Variants in RAB11A observed in about 807,000 individuals in gnomAD.
RAB11A encodes RAB11A, member RAS oncogene family, also known as ras-related protein Rab-11A.
Under a neutral mutation model 28.0 loss-of-function variants are expected in RAB11A, and 9 were observed. That is an observed-to-expected ratio of 0.32 (90% CI 0.19 to 0.56). RAB11A has a LOEUF of 0.56. RAB11A is among the 20% of genes least tolerant of loss of function. The pLI is 0.91. For missense variants in RAB11A, 108 were observed against 269.6 expected (o/e 0.40, Z 4.20); for synonymous variants, 85 against 88.2 (o/e 0.96, Z 0.20).
rs1287867747 is a variant in RAB11A, at chr15:65,891,486, T to A, written c.*3646T>A. 6.6e-6 allele frequency: 1 copy of A among 152,188 alleles called. No homozygotes were observed. The highest frequency in any genetic ancestry group is 1.9e-4 in the East Asian group (1 of 5,198). The allele number at this position is 152,188 out of a possible 1,614,324, so 9.4% of individuals were successfully genotyped here. A position where few individuals can be genotyped will look rare whatever the true frequency, so the allele number is the denominator to read the frequency against. On this transcript the variant is annotated 3_prime_UTR_variant, in exon 5 of 5. Transcript: ENST00000261890. ...GCACTGGACTGAGTAACGAAGAGATTCTAGTCATGGCTCTTGTGGTCATTT... is the reference window on the plus strand; with the variant it reads ...GCACTGGACTGAGTAACGAAGAGATACTAGTCATGGCTCTTGTGGTCATTT...
intron 1 of RAB11A, among the ~76,000 whole-genome samples, chr15:65,874,372 G>C (rs2078179916): frequency 6.6e-6 from 1 of 152,060 alleles, no homozygotes; most frequent in Non-Finnish European, 1.5e-5. Context: ...CTCCTGAGTA[G>C]CTGGGACTAC....
chr15:65,869,983 C>G (rs998198811), intron 1 of RAB11A: 3 of 208,250 alleles, frequency 1.4e-5, no homozygotes, highest in African/African-American at 6.9e-5. Context: ...GCCCCCTCCC[C>G]CTCGGCGTAC....
At chr15:65,885,418 G>T (rs548395094) in intron 4 of RAB11A, among the ~76,000 whole-genome samples, 1 of 152,024 alleles carries the variant, frequency 6.6e-6, no homozygotes, top group African/African-American at 2.4e-5. Flanking sequence ...GAGCCACCTC[G>T]CTTGGCCCAT....
rs2078297685 is a variant in RAB11A at position 65,891,669 on chromosome 15, G to A, written c.*3829G>A. On this transcript the variant is annotated 3_prime_UTR_variant, in exon 5 of 5. Transcript: ENST00000261890. ...TTAACTCAAGTTTAAATTTAATAGAGAAGTCAAAATGAGGTATGCACTTTG... is the reference window on the plus strand; with the variant it reads ...TTAACTCAAGTTTAAATTTAATAGAAAAGTCAAAATGAGGTATGCACTTTG... 1 of 152,182 alleles carries A rather than the reference G, an allele frequency of 6.6e-6. No homozygotes were observed. The highest frequency in any genetic ancestry group is 1.5e-5 in the Non-Finnish European group (1 of 68,032). 9.4% of individuals were successfully genotyped at this position (152,182 alleles called of 1,614,324 possible). A position where few individuals can be genotyped will look rare whatever the true frequency, so the allele number is the denominator to read the frequency against.
Position 65,887,948 on chromosome 15 carries a change from T to G in RAB11A, c.*108T>G, listed in dbSNP as rs2078264910. ...ACTTTTGTGTTTTATTACTTCATAC[T>G]TATGAATTTTTCCATGTCCTAAGTC... On this transcript the variant is annotated 3_prime_UTR_variant, in exon 5 of 5. Coordinates refer to ENST00000261890, the MANE Select transcript of RAB11A (RefSeq NM_004663.5). The G allele has an allele frequency of 8.4e-7, 1 of 1,187,940 alleles. No homozygotes were observed. The allele number at this position is 1,187,940 out of a possible 1,614,324, so 73.6% of individuals were successfully genotyped here. A position where few individuals can be genotyped will look rare whatever the true frequency, so the allele number is the denominator to read the frequency against.
At chr15:65,880,078 A>C (rs1282247376) in intron 4 of RAB11A, among the ~76,000 whole-genome samples, 1 of 152,226 alleles carries the variant, frequency 6.6e-6, no homozygotes, top group Non-Finnish European at 1.5e-5. Context: ...TTGAGATCCC[A>C]GCTATAGAAA....
chr15:65,875,046 A>C (rs2078183911), intron 1 of RAB11A, among the ~76,000 whole-genome samples: 1 of 152,012 alleles, frequency 6.6e-6, no homozygotes, highest in Non-Finnish European at 1.5e-5. Flanking sequence ...ACCCTGTCTC[A>C]AAAAAAGAAA....
At chr15:65,872,676 C>T (rs1490778631) in intron 1 of RAB11A, among the ~76,000 whole-genome samples, 1 of 152,128 alleles carries the variant, frequency 6.6e-6, no homozygotes, top group East Asian at 1.9e-4. Context: ...TCAGGTGATC[C>T]GCCCGCCTGG....
At chr15:65,885,133 G>GT (rs56815495) in intron 4 of RAB11A, among the ~76,000 whole-genome samples, 34,686 of 129,286 alleles carry the variant, frequency 0.27, 5,266 homozygotes, top group East Asian at 0.66. Context: ...CATTTATACA[G>GT]TTTTTTTTTT....
chr15:65,876,360 A>G (rs1441109844), intron 1 of RAB11A, among the ~76,000 whole-genome samples: 1 of 152,030 alleles, frequency 6.6e-6, no homozygotes, highest in Non-Finnish European at 1.5e-5. Context: ...GCAGTGACAC[A>G]ATCTCGGCCC....
intron 1 of RAB11A, 131 bp downstream of exon 1, chr15:65,869,756 G>C: frequency 3.0e-6 from 3 of 984,150 alleles, no homozygotes; most frequent in Non-Finnish European, 4.3e-6. Flanking sequence ...GTGCGGTTCC[G>C]TCTCCTACCC....
At chr15:65,870,205 C>T (rs1448977412) in intron 1 of RAB11A, 1 of 152,484 alleles carries the variant, frequency 6.6e-6, no homozygotes. Flanking sequence ...CCCGTAAAAT[C>T]TGAGCGGGCC....
Position 65,879,675 on chromosome 15 carries a change from G to A in RAB11A, c.435G>A (p.Lys145=). 2.5e-6 allele frequency: 4 copies of A among 1,589,974 alleles called. No individual in the cohort carries two copies. Among genetic ancestry groups the A allele is most frequent in the Non-Finnish European group, 3.4e-6 (4 of 1,160,118 alleles). ...PTDEARAFAE[K]NGLSFIETSA... ...AACTTTTGTGTCTCCCCTCAGAAAA[G>A]AATGGTTTGTCATTCATTGAAACTT... Residue 145 remains lysine (K), a synonymous_variant, in exon 4 of 5, where the codon AAG becomes AAA. Coordinates refer to ENST00000261890, the MANE Select transcript of RAB11A (RefSeq NM_004663.5).
At position 65,877,028 on chromosome 15, in the gene RAB11A, A is replaced by C. The variant is rs928324023; in HGVS notation, c.41-304A>C. On this transcript the variant is annotated intron_variant, in intron 1 of 4. Transcript: ENST00000261890. This position sits in a 1 kb window ranked among gnomAD's most constrained non-coding sequence, Gnocchi z 4.1. The stretch of plus-strand genomic sequence containing the variant: ...TGACGGTAATTAATGCCTGTCATCA[A>C]TGCCAAGGGCATCTGTGATTAAAAC... Among the ~76,000 whole-genome samples the C allele has an allele frequency of 1.3e-5, 2 of 152,232 alleles. No individual in the cohort carries two copies. Among genetic ancestry groups the C allele is most frequent in the African/African-American group, 4.8e-5 (2 of 41,462 alleles).
rs1308248354 is a variant in RAB11A, at chr15:65,888,177, C to G, written c.*337C>G. 5.5e-6 allele frequency: 1 copy of G among 182,182 alleles called. No individual in the cohort carries two copies. The allele number at this position is 182,182 out of a possible 1,614,324, so 11.3% of individuals were successfully genotyped here. ...GAAGCTCAGACCTATTGGTCTTGAT[C>G]AAATCAAACTAAGAAGACCTTAGAA... is the stretch of plus-strand genomic sequence containing the variant. On this transcript the variant is annotated 3_prime_UTR_variant, in exon 5 of 5. Coordinates refer to ENST00000261890, the MANE Select transcript of RAB11A (RefSeq NM_004663.5).
intron 4 of RAB11A, among the ~76,000 whole-genome samples, chr15:65,880,558 A>G (rs1259125614): frequency 6.6e-6 from 1 of 152,210 alleles, no homozygotes; most frequent in Non-Finnish European, 1.5e-5. Flanking sequence ...CAGAGATATG[A>G]TTGAGTTTCC....
chr15:65,883,717 C>G (rs1018143708), intron 4 of RAB11A, among the ~76,000 whole-genome samples: 4 of 151,982 alleles, frequency 2.6e-5, no homozygotes, highest in South Asian at 2.1e-4. Context: ...ACCATGCTCT[C>G]TAATTTTGTA....
At chr15:65,869,774 C>A in intron 1 of RAB11A, 149 bp downstream of exon 1, 1 of 809,050 alleles carries the variant, frequency 1.2e-6, no homozygotes, top group Non-Finnish European at 1.8e-6. Flanking sequence ...CCCAGCTCAG[C>A]CTCTTCTCCC....
intron 4 of RAB11A, among the ~76,000 whole-genome samples, chr15:65,886,710 G>A (rs937670014): frequency 1.1e-4 from 16 of 152,172 alleles, no homozygotes; most frequent in Admixed American, 1.0e-3. Flanking sequence ...TGACATTCAT[G>A]CGGTTATTTA....
Sources: gnomAD v4.1 joint callset for allele counts (sites outside exome capture counted in the v4.1 genomes callset) on GRCh38, gnomAD v4.1.1 for gene constraint, Gnocchi (gnomAD v3.1) non-coding constraint, MANE v1.5 for transcripts, NCBI Gene and HGNC (gene_info 2026-07-23, HGNC 2026-07-21) for gene names.